CNTNAP2: variants seen among roughly 807,000 people sequenced by gnomAD.
The protein encoded by CNTNAP2 is contactin-associated protein-like 2.
In CNTNAP2, 98 loss-of-function variants were observed where a neutral mutation model predicts 155.2. The observed-to-expected ratio is 0.63, with a 90% CI of 0.54 to 0.75. The LOEUF is 0.75. Ranked by LOEUF, CNTNAP2 falls within the 30% of genes least tolerant of loss-of-function variation. The pLI, the probability that CNTNAP2 is intolerant of heterozygous loss-of-function variation, is 0.00. For synonymous variants in CNTNAP2, 651 were observed against 631.2 expected (o/e 1.03, Z -0.47); for missense variants, 1,727 against 1,688.1 (o/e 1.02, Z -0.40).
intron 20 of CNTNAP2, among the ~76,000 whole-genome samples, chr7:148,232,816 C>T (rs544017769): frequency 3.3e-5 from 5 of 152,190 alleles, no homozygotes; most frequent in Admixed American, 6.5e-5. Context: ...GGTTTACTTT[C>T]GTAGCTGGGT....
chr7:148,180,497 C>T (rs1043733604), intron 18 of CNTNAP2, among the ~76,000 whole-genome samples: 1 of 150,966 alleles, frequency 6.6e-6, no homozygotes, highest in African/African-American at 2.4e-5. Context: ...CTCCAAAGGC[C>T]AAGGGAGCTG....
chr7:146,538,127 G>GATCTTAAAGCTC, intron 1 of CNTNAP2, among the ~76,000 whole-genome samples: 1 of 152,128 alleles, frequency 6.6e-6, no homozygotes, highest in South Asian at 2.1e-4. Flanking sequence ...CACAGTAATC[G>GATCTTAAAGCTC]CAACAAAGGT....
intron 1 of CNTNAP2, among the ~76,000 whole-genome samples, chr7:146,435,885 T>C (rs1374663960): frequency 6.6e-6 from 1 of 152,172 alleles, no homozygotes; most frequent in Non-Finnish European, 1.5e-5. Flanking sequence ...GTAGATTGCT[T>C]TGGTCAAATC....
At chr7:146,170,018 CTTTT>C (rs71175637) in intron 1 of CNTNAP2, among the ~76,000 whole-genome samples, 4 of 126,964 alleles carry the variant, frequency 3.2e-5, no homozygotes, top group Non-Finnish European at 3.3e-5. Flanking sequence ...CCTTTCTTTT[CTTTT>C]TTTTTTTTTT....
intron 21 of CNTNAP2, among the ~76,000 whole-genome samples, chr7:148,295,495 A>G (rs1797262910): frequency 1.4e-5 from 2 of 146,024 alleles, no homozygotes; most frequent in African/African-American, 5.0e-5. Context: ...ATTTTAATCA[A>G]TTTTTTTTTT....
intron 14 of CNTNAP2, among the ~76,000 whole-genome samples, chr7:147,938,176 A>AT (rs1800649115): frequency 6.6e-6 from 1 of 152,148 alleles, no homozygotes; most frequent in Non-Finnish European, 1.5e-5. Context: ...TGGTCTAATA[A>AT]TTTTTTCTTC....
intron 1 of CNTNAP2, among the ~76,000 whole-genome samples, chr7:146,688,148 A>G (rs962635445): frequency 7.9e-5 from 12 of 152,196 alleles, no homozygotes; most frequent in Admixed American, 7.9e-4. Flanking sequence ...ACAAACTGCC[A>G]TGAAGTGATT....
At chr7:146,876,634 T>G (rs971470507) in intron 3 of CNTNAP2, among the ~76,000 whole-genome samples, 2 of 152,172 alleles carry the variant, frequency 1.3e-5, no homozygotes, top group African/African-American at 2.4e-5. Context: ...TGCCAGAACC[T>G]TCTAGACATA....
chr7:147,617,890 C>G (rs1288303259), intron 12 of CNTNAP2, among the ~76,000 whole-genome samples: 2 of 152,042 alleles, frequency 1.3e-5, no homozygotes, highest in East Asian at 3.9e-4. Flanking sequence ...AGGGTTGCTT[C>G]CTCTGGATAC....
At chr7:148,414,993 C>G in intron 23 of CNTNAP2, 1 of 302,420 alleles carries the variant, frequency 3.3e-6, no homozygotes, top group Non-Finnish European at 6.3e-6. Context: ...CCCACTCTAT[C>G]TCCCCTCTCC....
At chr7:147,909,184 C>T (rs543274310) in intron 14 of CNTNAP2, among the ~76,000 whole-genome samples, 109 of 152,228 alleles carry the variant, frequency 7.2e-4, no homozygotes, top group African/African-American at 2.6e-3. Context: ...AGACCAAAGA[C>T]ACACATCTCC....
intron 21 of CNTNAP2, among the ~76,000 whole-genome samples, chr7:148,372,432 G>T (rs1162477637): frequency 6.6e-6 from 1 of 152,096 alleles, no homozygotes; most frequent in African/African-American, 2.4e-5. Flanking sequence ...AACCAGCTGG[G>T]TGCAGTGGTT....
At chr7:148,036,124 A>G (rs1214877366) in intron 15 of CNTNAP2, among the ~76,000 whole-genome samples, 2 of 152,202 alleles carry the variant, frequency 1.3e-5, no homozygotes, top group East Asian at 3.9e-4. Flanking sequence ...GCCTCAAGTG[A>G]ATCATGCTGT....
At chr7:147,572,016 G>T (rs963031720) in intron 12 of CNTNAP2, among the ~76,000 whole-genome samples, 1 of 152,112 alleles carries the variant, frequency 6.6e-6, no homozygotes, top group African/African-American at 2.4e-5. Flanking sequence ...CCTGCTTCAC[G>T]CATTCAGCTA....
chr7:146,832,090 C>T (rs915862874), intron 2 of CNTNAP2, among the ~76,000 whole-genome samples: 2 of 152,116 alleles, frequency 1.3e-5, no homozygotes, highest in Non-Finnish European at 2.9e-5. Flanking sequence ...CCTGTTTATC[C>T]ACTTCTCATA....
chr7:148,151,598 T>A (rs968925156), intron 17 of CNTNAP2, among the ~76,000 whole-genome samples: 2 of 152,234 alleles, frequency 1.3e-5, no homozygotes, highest in African/African-American at 4.8e-5. Context: ...GCCCAGCAGG[T>A]CCATTCTCAT....
rs532646661 is a variant in CNTNAP2, at chr7:147,186,361, G to A, written c.1348+53852G>A. 4.6e-5 allele frequency among the ~76,000 whole-genome samples: 7 copies of A among 152,218 alleles called. No homozygotes were observed. In the South Asian group the frequency reaches 1.2e-3, roughly 27 times the overall value. ...GCATAGAAGATCTTTTCTGTTCTGT[G>A]CCTCATATAAATTATCTCATTTACT... On this transcript the variant is annotated intron_variant, in intron 8 of 23. Transcript: ENST00000361727.
chr7:148,282,156 T>G (rs1214015423), intron 21 of CNTNAP2, among the ~76,000 whole-genome samples: 1 of 152,166 alleles, frequency 6.6e-6, no homozygotes, highest in Non-Finnish European at 1.5e-5. Flanking sequence ...ATACTGTCAA[T>G]ATCAGAATAA....
chr7:147,006,818 T>A (rs1020005877), intron 3 of CNTNAP2, among the ~76,000 whole-genome samples: 4 of 152,050 alleles, frequency 2.6e-5, no homozygotes, highest in Non-Finnish European at 5.9e-5. Context: ...ATGGGGTCCT[T>A]GGTTCCTGTC....
Sources: allele counts gnomAD v4.1 joint callset (sites outside exome capture counted in the v4.1 genomes callset), GRCh38; gene constraint gnomAD v4.1.1; transcripts MANE v1.5; gene names NCBI Gene and HGNC (gene_info 2026-07-23, HGNC 2026-07-21).